ZNF236: variants seen among roughly 807,000 people sequenced by gnomAD.
The protein encoded by ZNF236 is zinc finger protein 236.
A neutral mutation model predicts 191.2 loss-of-function variants in ZNF236; 50 were observed. The observed-to-expected ratio is 0.26, with a 90% confidence interval of 0.21 to 0.33. The LOEUF (loss-of-function observed/expected upper bound fraction) is 0.33, where lower values mean the gene tolerates loss of function less well. ZNF236 is among the 10% of genes least tolerant of loss of function. The pLI, the probability that ZNF236 is intolerant of heterozygous loss-of-function variation, is 1.00. For synonymous variants in ZNF236, 907 were observed against 928.8 expected, an observed-to-expected ratio of 0.98 and a Z score of 0.43; for missense variants, 1,754 against 2,374.5, an observed-to-expected ratio of 0.74 and a Z score of 5.43.
At chr18:76,934,904 G>T (rs1967955047) in intron 25 of ZNF236, among the ~76,000 whole-genome samples, 1 of 152,204 alleles carries the variant, frequency 6.6e-6, no homozygotes, top group Non-Finnish European at 1.5e-5. Flanking sequence ...TATCCCAAGA[G>T]ATTTAAGACA....
intron 7 of ZNF236, among the ~76,000 whole-genome samples, chr18:76,879,374 A>C (rs1190498588): frequency 2.0e-5 from 3 of 152,144 alleles, no homozygotes; most frequent in African/African-American, 7.2e-5. Flanking sequence ...AGTTTCCCAC[A>C]TTTCTGACAT....
intron 9 of ZNF236, among the ~76,000 whole-genome samples, chr18:76,893,760 G>A (rs1459547882): frequency 2.6e-5 from 4 of 152,190 alleles, no homozygotes; most frequent in African/African-American, 9.7e-5. Flanking sequence ...CTATCTGTCC[G>A]CCTTGGCCTC....
intron 7 of ZNF236, among the ~76,000 whole-genome samples, chr18:76,879,884 T>C (rs1976829651): frequency 6.6e-6 from 1 of 152,176 alleles, no homozygotes; most frequent in Admixed American, 6.5e-5. Context: ...CTATGCTCAC[T>C]GGAAAAAACT....
intron 19 of ZNF236, among the ~76,000 whole-genome samples, chr18:76,916,510 C>T (rs1049546877): frequency 5.3e-5 from 8 of 152,192 alleles, no homozygotes; most frequent in South Asian, 2.1e-4. Context: ...ACATTAGACA[C>T]GTTAATTCGC....
At chr18:76,867,431 C>T (rs1380323009) in intron 3 of ZNF236, among the ~76,000 whole-genome samples, 3 of 151,924 alleles carry the variant, frequency 2.0e-5, no homozygotes, top group African/African-American at 7.3e-5. Flanking sequence ...TCTTTTTCTG[C>T]AGTGTAGCTA....
chr18:76,870,614 G>C (rs1976554557), intron 4 of ZNF236, among the ~76,000 whole-genome samples: 1 of 152,212 alleles, frequency 6.6e-6, no homozygotes, highest in Non-Finnish European at 1.5e-5. Flanking sequence ...CAAGAAAGAA[G>C]GACAGTGGGA....
intron 3 of ZNF236, among the ~76,000 whole-genome samples, chr18:76,860,092 A>G (rs778833644): frequency 6.6e-5 from 10 of 152,240 alleles, no homozygotes; most frequent in Non-Finnish European, 1.2e-4. Context: ...GTGCTGTGGA[A>G]TAACAAAGGA....
intron 27 of ZNF236, among the ~76,000 whole-genome samples, chr18:76,951,950 C>G (rs538176822): frequency 6.6e-6 from 1 of 152,328 alleles, no homozygotes; most frequent in African/African-American, 2.4e-5. Flanking sequence ...GTGAAGCAGT[C>G]AGACACAAAC....
At chr18:76,894,690 C>T (rs1207531991) in intron 9 of ZNF236, among the ~76,000 whole-genome samples, 1 of 152,134 alleles carries the variant, frequency 6.6e-6, no homozygotes, top group East Asian at 1.9e-4. Flanking sequence ...TCGTTCCCTG[C>T]ATTAAGCATG....
intron 27 of ZNF236, among the ~76,000 whole-genome samples, chr18:76,952,013 C>G (rs1190744762): frequency 1.3e-5 from 2 of 152,120 alleles, no homozygotes; most frequent in Non-Finnish European, 2.9e-5. Flanking sequence ...GGTGCCTCAA[C>G]ACAATTACAA....
At chr18:76,890,470 C>A (rs1977196979) in intron 9 of ZNF236, among the ~76,000 whole-genome samples, 1 of 152,176 alleles carries the variant, frequency 6.6e-6, no homozygotes, top group African/African-American at 2.4e-5. Flanking sequence ...TCAACAGTTA[C>A]ACTTTCCTTT....
At position 76,825,860 on chromosome 18, in the gene ZNF236, G is replaced by A. The variant is rs963163813; in HGVS notation, c.55+3198G>A. On this transcript the variant is annotated intron_variant, in intron 1 of 30. Transcript: ENST00000320610. ...TCCTGGGCTCAAGTGATTCTCCCAC[G>A]TCAGTCTCCCAGAGTTTTGGGATTA... is the stretch of plus-strand genomic sequence containing the variant. 4.6e-5 allele frequency among the ~76,000 whole-genome samples: 7 copies of A among 151,770 alleles called. No individual in the cohort carries two copies. In the South Asian group the frequency reaches 8.4e-4, roughly 18 times the overall value.
rs1441296192 is a variant in ZNF236, at chr18:76,960,093, T to C, written c.5242+277T>C. 1.3e-5 allele frequency among the ~76,000 whole-genome samples: 2 copies of C among 152,170 alleles called. No homozygotes were observed. Among genetic ancestry groups the C allele is most frequent in the African/African-American group, 2.4e-5 (1 of 41,440 alleles). On this transcript the variant is annotated intron_variant, in intron 29 of 30. Transcript: ENST00000320610. This position sits in a 1 kb window ranked among gnomAD's most constrained non-coding sequence, Gnocchi z 4.4. ...TGGGATGTTGACCATGTCACGTCCCTCCTTCCCTTCTGCTGGAGCAAACAG... is the reference window on the plus strand; with the variant it reads ...TGGGATGTTGACCATGTCACGTCCCCCCTTCCCTTCTGCTGGAGCAAACAG...
Position 76,904,361 on chromosome 18 carries a change from C to G in ZNF236, c.1895-19C>G, listed in dbSNP as rs763763941. On this transcript the variant is annotated intron_variant, in intron 11 of 30. Coordinates refer to ENST00000320610, the MANE Select transcript of ZNF236 (RefSeq NM_001306089.2). ...TAGCATTGACAGTGAATTACATCTG[C>G]TTTTCTTTTGCTTTGTAGGTCTCAT... The G allele has an allele frequency of 6.3e-7, 1 of 1,583,462 alleles. No individual in the cohort carries two copies. Among genetic ancestry groups the G allele is most frequent in the Non-Finnish European group, 8.6e-7 (1 of 1,167,258 alleles).
rs1279775778 is a variant in ZNF236, at chr18:76,919,819, A to T, written c.3318A>T (p.Ala1106=). ...AGGAAGAACATTCTGACAGAAATGC[A>T]TCACGGAAGTCTCGTCCTGAGGTCA... ...EEEEEHSDRN[A]SRKSRPEVIT... Residue 1106 remains alanine, a synonymous_variant, in exon 20 of 31, where the codon GCA becomes GCT. Transcript: ENST00000320610. The surrounding 1 kb of genome is among the most constrained non-coding windows in gnomAD (Gnocchi z 5.3). 1 of 1,614,256 alleles carries T rather than the reference A, an allele frequency of 6.2e-7. No homozygotes were observed. Among genetic ancestry groups the T allele is most frequent in the Admixed American group, 1.7e-5 (1 of 60,030 alleles).
rs115321931 is a variant in ZNF236, at chr18:76,856,775, T to C, written c.363+4836T>C. On this transcript the variant is annotated intron_variant, in intron 3 of 30. Coordinates refer to ENST00000320610, the MANE Select transcript of ZNF236 (RefSeq NM_001306089.2). ...GACAAAATTATTTCTTGGTTTCTGG[T>C]TTCATTATTTTTCTCTTCCTGGCAG... 6.8e-3 allele frequency among the ~76,000 whole-genome samples: 1,032 copies of C among 152,340 alleles called. 10 individuals are homozygous for C. The highest frequency in any genetic ancestry group is 0.023 in the African/African-American group (967 of 41,578).
intron 2 of ZNF236, 65 bp downstream of exon 2, chr18:76,849,733 A>G: frequency 7.2e-7 from 1 of 1,384,362 alleles, no homozygotes; most frequent in Non-Finnish European, 9.5e-7. Flanking sequence ...GTAAAAATGA[A>G]CAAGTAAAAT....
At chr18:76,836,873 G>A (rs917400862) in intron 1 of ZNF236, among the ~76,000 whole-genome samples, 5 of 151,120 alleles carry the variant, frequency 3.3e-5, no homozygotes, top group African/African-American at 1.2e-4. Context: ...CACCGCGCCC[G>A]GCCTATTTAT....
In ZNF236 at chr18:76,972,401, C is replaced by T. The variant is rs149076936; in HGVS notation, c.*4062C>T. ...ATTCCCCTCCTCAGACCCCCATGCA[C>T]GGATGAGCACATAGCTCACCCTCAC... On this transcript the variant is annotated 3_prime_UTR_variant, in exon 31 of 31. Transcript: ENST00000320610. 5.0e-3 allele frequency among the ~76,000 whole-genome samples: 756 copies of T among 152,230 alleles called. 4 individuals carry two copies. Among genetic ancestry groups the T allele is most frequent in the African/African-American group, 0.016 (684 of 41,532 alleles).
Sources: allele counts gnomAD v4.1 joint callset (sites outside exome capture counted in the v4.1 genomes callset), GRCh38; gene constraint gnomAD v4.1.1; non-coding constraint Gnocchi (gnomAD v3.1); transcripts MANE v1.5; gene names NCBI Gene and HGNC (gene_info 2026-07-23, HGNC 2026-07-21).